TMEM128: variants seen among roughly 807,000 people sequenced by gnomAD.
TMEM128 encodes the protein transmembrane protein 128.
A neutral mutation model predicts 19.7 loss-of-function variants in TMEM128; 16 were observed. The observed-to-expected ratio is 0.81, with a 90% CI of 0.55 to 1.23. The LOEUF (loss-of-function observed/expected upper bound fraction) is 1.23, where lower values mean the gene tolerates loss of function less well. Ranked by LOEUF, TMEM128 falls within the 50% of genes most tolerant of loss-of-function variation. TMEM128 has a pLI of 0.00. For synonymous variants in TMEM128, 98 were observed against 75.8 expected (o/e 1.29, Z -1.52); for missense variants, 237 against 200.8 (o/e 1.18, Z -1.09).
intron 1 of TMEM128, 184 bp downstream of exon 1, chr4:4,247,922 C>T (rs1207842101): frequency 1.4e-6 from 2 of 1,429,628 alleles, no homozygotes; most frequent in East Asian, 2.5e-5. Context: ...CCAGAGAATT[C>T]TGAAGCGCAG....
In TMEM128 at chr4:4,248,078, C is replaced by T. The variant is rs183089867; in HGVS notation, c.97+28G>A. 2,162 of 1,535,152 alleles carry T rather than the reference C, an allele frequency of 1.4e-3. 4 individuals carry two copies. Among genetic ancestry groups the T allele is most frequent in the Non-Finnish European group, 1.7e-3 (1,947 of 1,144,172 alleles). ...TTTTCCGACGCCTCGCCTCTGAGAA[C>T]CTCGGGGCGGCTTGGTGCGCGCCTC... is the stretch of plus-strand genomic sequence containing the variant. On this transcript the variant is annotated intron_variant, in intron 1 of 4. Coordinates refer to ENST00000382753, the MANE Select transcript of TMEM128 (RefSeq NM_001297551.2).
chr4:4,242,100 C>T (rs1717981219), intron 2 of TMEM128, among the ~76,000 whole-genome samples: 1 of 152,080 alleles, frequency 6.6e-6, no homozygotes, highest in African/African-American at 2.4e-5. Flanking sequence ...TGGGGTTTCA[C>T]CATGTCCATA....
chr4:4,243,297 TG>T (rs1718036431), intron 2 of TMEM128, among the ~76,000 whole-genome samples: 1 of 152,116 alleles, frequency 6.6e-6, no homozygotes, highest in African/African-American at 2.4e-5. Context: ...TTAGCCAGGA[TG>T]GTCTCGATCT....
intron 2 of TMEM128, among the ~76,000 whole-genome samples, chr4:4,245,057 C>T (rs1355393495): frequency 1.3e-5 from 2 of 152,120 alleles, no homozygotes. Flanking sequence ...ATGTGTCCTG[C>T]CATGATACGA....
In TMEM128 at chr4:4,247,466, A is replaced by T. The variant is rs886223790; in HGVS notation, c.97+640T>A. On this transcript the variant is annotated intron_variant, in intron 1 of 4. Transcript: ENST00000382753. The stretch of plus-strand genomic sequence containing the variant: ...CGTGGTTTTAAAACATATGAGATAA[A>T]AAATATCCAAAATGAAGTATCTGTC... 5.7e-6 allele frequency: 7 copies of T among 1,231,984 alleles called. No homozygotes were observed. In the African/African-American group the frequency reaches 1.1e-4, roughly 20 times the overall value. The allele number at this position is 1,231,984 out of a possible 1,614,324, so 76.3% of individuals were successfully genotyped here. A position where few individuals can be genotyped will look rare whatever the true frequency, so the allele number is the denominator to read the frequency against.
intron 2 of TMEM128, among the ~76,000 whole-genome samples, chr4:4,245,552 A>G (rs767843771): frequency 3.9e-4 from 59 of 151,966 alleles, no homozygotes; most frequent in Non-Finnish European, 6.3e-4. Flanking sequence ...CCCCAAATGG[A>G]TTAGGTTCTT....
At chr4:4,239,287 A>G (rs1717849956) in intron 3 of TMEM128, among the ~76,000 whole-genome samples, 1 of 152,180 alleles carries the variant, frequency 6.6e-6, no homozygotes, top group Admixed American at 6.5e-5. Flanking sequence ...TTTGGGTATA[A>G]ATATAACGAA....
At chr4:4,243,885 A>G (rs1008682872) in intron 2 of TMEM128, among the ~76,000 whole-genome samples, 1 of 152,134 alleles carries the variant, frequency 6.6e-6, no homozygotes, top group Non-Finnish European at 1.5e-5. Flanking sequence ...AAAATACCCA[A>G]TATAAGGACA....
intron 1 of TMEM128, chr4:4,247,782 T>C (rs1404604313): frequency 1.3e-6 from 2 of 1,481,974 alleles, no homozygotes; most frequent in South Asian, 1.3e-5. Flanking sequence ...CAAGCAATCC[T>C]GAAGTGAAAC....
At chr4:4,242,392 G>C (rs1281215183) in intron 2 of TMEM128, among the ~76,000 whole-genome samples, 2 of 151,704 alleles carry the variant, frequency 1.3e-5, no homozygotes, top group Non-Finnish European at 2.9e-5. Context: ...AAATGATATA[G>C]TTTATCTAAT....
chr4:4,240,412 G>C lies in TMEM128; in HGVS notation c.307C>G (p.Leu103Val). 11 of 1,614,054 alleles carry C rather than the reference G, an allele frequency of 6.8e-6. No individual in the cohort carries two copies. The highest frequency in any genetic ancestry group is 9.3e-6 in the Non-Finnish European group (11 of 1,179,954). ...LSIAFYCIVY[L>V]EWYCGIGEYD... ...TCTCCAATTCCACAATACCATTCCA[G>C]GTAGACTATGCAGTAAAATGCAATT... The change falls in exon 3 of 5, where the codon CTG becomes GTG. Residue 103 changes from leucine to valine, a missense_variant. Coordinates refer to ENST00000382753, the MANE Select transcript of TMEM128 (RefSeq NM_001297551.2).
Position 4,238,491 on chromosome 4 carries a change from G to A in TMEM128, c.399-556C>T, listed in dbSNP as rs147514311. ...ATTCAAATAAGTTCAGATGGTTATT[G>A]GTTTTAATATATAATAGTTTGATAA... On this transcript the variant is annotated intron_variant, in intron 3 of 4. Coordinates refer to ENST00000382753, the MANE Select transcript of TMEM128 (RefSeq NM_001297551.2). 5.4e-3 allele frequency among the ~76,000 whole-genome samples: 827 copies of A among 152,190 alleles called. 9 individuals carry two copies. The highest frequency in any genetic ancestry group is 0.019 in the African/African-American group (806 of 41,506).
chr4:4,236,993 T>C (rs937556639), intron 4 of TMEM128: 4 of 441,334 alleles, frequency 9.1e-6, no homozygotes, highest in African/African-American at 8.1e-5. Flanking sequence ...GTATTCTCAA[T>C]ATACACTTAT....
At chr4:4,246,150 A>C in intron 2 of TMEM128, 52 bp downstream of exon 2, 1 of 1,551,256 alleles carries the variant, frequency 6.4e-7, no homozygotes, top group African/African-American at 1.4e-5. Context: ...ACAAAATATA[A>C]CACGAAAAAT....
Position 4,248,223 on chromosome 4 carries a change from C to A in TMEM128, c.-21G>T, listed in dbSNP as rs769369782. The A allele has an allele frequency of 2.8e-5, 41 of 1,483,896 alleles. No individual in the cohort carries two copies. The highest frequency in any genetic ancestry group is 1.7e-4 in the Middle Eastern group (1 of 5,776). The allele number at this position is 1,483,896 out of a possible 1,614,324, so 91.9% of individuals were successfully genotyped here. A position where few individuals can be genotyped will look rare whatever the true frequency, so the allele number is the denominator to read the frequency against. Reference sequence around the variant, plus strand: ...TCCATCTTGGTACCGCCCCGAAATGCGACGGAAGTGACGTCAGACACAGCG... The same window carrying A: ...TCCATCTTGGTACCGCCCCGAAATGAGACGGAAGTGACGTCAGACACAGCG... On this transcript the variant is annotated 5_prime_UTR_variant, in exon 1 of 5. Transcript: ENST00000382753.
At chr4:4,247,656 T>G (rs538893964) in intron 1 of TMEM128, 1 of 1,614,178 alleles carries the variant, frequency 6.2e-7, no homozygotes, top group Admixed American at 1.7e-5. Context: ...CCTTTGAAAA[T>G]CATCCCCATT....
intron 2 of TMEM128, among the ~76,000 whole-genome samples, chr4:4,245,090 T>C (rs2108821329): frequency 6.6e-6 from 1 of 152,236 alleles, no homozygotes; most frequent in South Asian, 2.1e-4. Flanking sequence ...CCTGTCTGCA[T>C]CTTCCTACCC....
intron 3 of TMEM128, among the ~76,000 whole-genome samples, chr4:4,239,662 A>G (rs1413009711): frequency 6.6e-6 from 1 of 152,234 alleles, no homozygotes; most frequent in African/African-American, 2.4e-5. Flanking sequence ...AAATCTAAAC[A>G]CAATCAACAA....
At chr4:4,246,415 T>C in intron 1 of TMEM128, 72 bp from the exon 2 acceptor site, 7 of 1,448,240 alleles carry the variant, frequency 4.8e-6, no homozygotes, top group Middle Eastern at 1.8e-4. Flanking sequence ...TTAAGCCAAA[T>C]AAAATCATTT....
Sources: gnomAD v4.1 joint callset for allele counts (sites outside exome capture counted in the v4.1 genomes callset) on GRCh38, gnomAD v4.1.1 for gene constraint, MANE v1.5 for transcripts, NCBI Gene and HGNC (gene_info 2026-07-23, HGNC 2026-07-21) for gene names.